Variants in SCML1 observed in about 807,000 individuals in gnomAD.
SCML1 encodes Scm polycomb group protein like 1, also known as sex comb on midleg-like protein 1.
For missense variants in SCML1, 137 were observed against 258.1 expected, an observed-to-expected ratio of 0.53 and a Z score of 3.22; for synonymous variants, 104 against 103.6, an observed-to-expected ratio of 1.00 and a Z score of -0.02.
Position 17,750,112 on chromosome X carries a change from C to T in SCML1, c.522C>T (p.Ile174=). 1 of 1,211,944 alleles carries T rather than the reference C, an allele frequency of 8.3e-7. No individual in the cohort carries two copies. Among genetic ancestry groups the T allele is most frequent in the Non-Finnish European group, 1.1e-6 (1 of 895,457 alleles). The change falls in exon 6 of 8, where the codon ATC becomes ATT. Residue 174 remains isoleucine, a synonymous_variant. Transcript: ENST00000380041. Reference sequence around the variant, plus strand: ...GAGCTGAGCTGGAGGAGGACCCGATCCTCAGCCGCACTCCGAGTCCAGTGC... The same window carrying T: ...GAGCTGAGCTGGAGGAGGACCCGATTCTCAGCCGCACTCCGAGTCCAGTGC... ...YQRAELEEDP[I]LSRTPSPVHP...
chrX:17,743,450 T>G (rs2066615944), intron 1 of SCML1, among the ~76,000 whole-genome samples: 1 of 112,379 alleles, frequency 8.9e-6, no homozygotes, highest in Admixed American at 9.4e-5. Flanking sequence ...GCAGCCAGTT[T>G]TCTAGTTCCA....
intron 4 of SCML1, among the ~76,000 whole-genome samples, chrX:17,746,621 A>C (rs1328008672): frequency 8.9e-6 from 1 of 112,367 alleles, no homozygotes; most frequent in Non-Finnish European, 1.9e-5. Flanking sequence ...AATGTTTCTT[A>C]CCATATATAA....
At chrX:17,751,637 T>A (rs964833649) in intron 6 of SCML1, among the ~76,000 whole-genome samples, 178 bp from the exon 7 acceptor site, 2 of 112,270 alleles carry the variant, frequency 1.8e-5, no homozygotes, top group Admixed American at 1.9e-4. Flanking sequence ...CATCCCCACA[T>A]CATCTTTATA....
At chrX:17,740,774 A>G (rs1252382637) in intron 1 of SCML1, among the ~76,000 whole-genome samples, 1 of 112,632 alleles carries the variant, frequency 8.9e-6, no homozygotes, top group Non-Finnish European at 1.9e-5. Context: ...ACTTGAAGTA[A>G]GCCTTGAAGT....
intron 1 of SCML1, among the ~76,000 whole-genome samples, chrX:17,740,070 A>G (rs969952317): frequency 9.0e-6 from 1 of 111,380 alleles, no homozygotes; most frequent in Non-Finnish European, 1.9e-5. Flanking sequence ...TCTACTATGA[A>G]CCAGGCATGA....
Position 17,737,597 on chromosome X carries a change from C to G in SCML1, c.-200C>G, listed in dbSNP as rs766305509. 158 of 111,463 alleles carry G rather than the reference C, an allele frequency of 1.4e-3. 1 individual carries two copies. The highest frequency in any genetic ancestry group is 4.7e-3 in the African/African-American group (144 of 30,741). The allele number at this position is 111,463 out of a possible 1,213,427, so 9.2% of individuals were successfully genotyped here. A position where few individuals can be genotyped will look rare whatever the true frequency, so the allele number is the denominator to read the frequency against. Reference sequence around the variant, plus strand: ...CGAGTGGCCTAACGGTCACAGCTGTCGCCCATCGGAGAGGCAGGACTACTG... The same window carrying G: ...CGAGTGGCCTAACGGTCACAGCTGTGGCCCATCGGAGAGGCAGGACTACTG... On this transcript the variant is annotated 5_prime_UTR_variant, in exon 1 of 8. Coordinates refer to ENST00000380041, the MANE Select transcript of SCML1 (RefSeq NM_001037540.3).
At position 17,745,535 on chromosome X, in the gene SCML1, A is replaced by G. The variant is rs767496928; in HGVS notation, c.113A>G (p.Asn38Ser). ...TATGAAACAAAACCTGAATTTGTCA[A>G]TAAAGTATGTTAATTGCTAATTGCC... Reference protein sequence around the residue: ...YAYETKPEFVNKEPNIVSDAS... With the variant: ...YAYETKPEFVSKEPNIVSDAS... The change falls in exon 3 of 8, where the codon AAT (asparagine) becomes AGT (serine). Residue 38 changes from asparagine (N) to serine (S), a missense_variant. Asn to Ser is a conservative substitution (Grantham distance 46, BLOSUM62 1). Transcript: ENST00000380041. The G allele has an allele frequency of 4.6e-6, 5 of 1,096,440 alleles. No individual in the cohort carries two copies. Among genetic ancestry groups the G allele is most frequent in the East Asian group, 6.1e-5 (2 of 32,924 alleles). 90.4% of individuals were successfully genotyped at this position (1,096,440 alleles called of 1,213,427 possible).
chrX:17,749,017 A>G (rs1371464161), intron 4 of SCML1, among the ~76,000 whole-genome samples: 2 of 112,741 alleles, frequency 1.8e-5, no homozygotes, highest in Non-Finnish European at 3.7e-5. Flanking sequence ...CATATATGTT[A>G]CATATGTATA....
At chrX:17,742,978 G>A (rs912815964) in intron 1 of SCML1, among the ~76,000 whole-genome samples, 1 of 111,988 alleles carries the variant, frequency 8.9e-6, no homozygotes, top group Non-Finnish European at 1.9e-5. Context: ...ATTCGGCCTT[G>A]CTGTATACAG....
At chrX:17,739,646 C>T (rs1447372651) in intron 1 of SCML1, among the ~76,000 whole-genome samples, 1 of 109,703 alleles carries the variant, frequency 9.1e-6, no homozygotes, top group African/African-American at 3.3e-5. Context: ...GTCAGAAGTT[C>T]GGGACCAGCC....
At position 17,745,784 on chromosome X, in the gene SCML1, T is replaced by G. The variant is rs16997202; in HGVS notation, c.118-234T>G. On this transcript the variant is annotated intron_variant, in intron 3 of 7. Transcript: ENST00000380041. Reference sequence around the variant, plus strand: ...TTCAGTATAAAACTCTAAACCTGGATTCTTCTGATATAATAAATTCTTTTC... The same window carrying G: ...TTCAGTATAAAACTCTAAACCTGGAGTCTTCTGATATAATAAATTCTTTTC... 1,596 of 334,027 alleles carry G rather than the reference T, an allele frequency of 4.8e-3. 27 individuals are homozygous for G. Among genetic ancestry groups the G allele is most frequent in the African/African-American group, 0.039 (1,449 of 37,056 alleles). 27.5% of individuals were successfully genotyped at this position (334,027 alleles called of 1,213,427 possible).
At chrX:17,751,175 A>G (rs1385628216) in intron 6 of SCML1, among the ~76,000 whole-genome samples, 3 of 112,463 alleles carry the variant, frequency 2.7e-5, no homozygotes, top group South Asian at 3.7e-4. Flanking sequence ...TTTCTTCACA[A>G]TGCACATTAG....
chrX:17,745,420 A>G (rs1270386246), intron 2 of SCML1, 36 bp from the exon 3 acceptor site: 1 of 876,383 alleles, frequency 1.1e-6, no homozygotes, highest in East Asian at 3.2e-5. Context: ...TCTGTCTTTC[A>G]TCTTCCCTTT....
In SCML1 at chrX:17,750,212, G is replaced by A. The variant is rs199560760; in HGVS notation, c.622G>A (p.Gly208Arg). 11 of 1,210,478 alleles carry A rather than the reference G, an allele frequency of 9.1e-6. No individual in the cohort carries two copies. In the East Asian group the frequency reaches 3.3e-4, roughly 36 times the overall value. Residue 208 changes from glycine (G) to arginine (R), a missense_variant, in exon 6 of 8, where the codon GGG (glycine) becomes AGG (arginine). Coordinates refer to ENST00000380041, the MANE Select transcript of SCML1 (RefSeq NM_001037540.3). ...SDGATYGSSS[G>R]LCLGNPRADS... ...TGGTGCAACGTATGGTTCTTCTTCA[G>A]GGCTCTGCCTTGGCAACCCTCGGGC... is the stretch of plus-strand genomic sequence containing the variant.
chrX:17,737,224 A>G (rs749711712), upstream of SCML1, among the ~76,000 whole-genome samples: 2 of 107,445 alleles, frequency 1.9e-5, no homozygotes, highest in Non-Finnish European at 3.9e-5. Context: ...CCCCACAGCC[A>G]TCTCCTCAGC....
At chrX:17,750,347 T>G in intron 6 of SCML1, 54 bp downstream of exon 6, 1 of 1,096,247 alleles carries the variant, frequency 9.1e-7, no homozygotes, top group South Asian at 2.2e-5. Context: ...GATGATGAGT[T>G]ACTCAGCTTT....
intron 2 of SCML1, 47 bp from the exon 3 acceptor site, chrX:17,745,409 T>G: frequency 1.2e-6 from 1 of 801,411 alleles, no homozygotes; most frequent in African/African-American, 2.0e-5. Flanking sequence ...TTTCTTTTAG[T>G]TCTGTCTTTC....
intron 1 of SCML1, among the ~76,000 whole-genome samples, chrX:17,739,774 G>A (rs925266076): frequency 9.6e-6 from 1 of 104,481 alleles, no homozygotes; most frequent in African/African-American, 3.5e-5. Context: ...GCTTTAACCC[G>A]GGAGGCAGAG....
intron 4 of SCML1, among the ~76,000 whole-genome samples, chrX:17,746,723 T>C (rs1424903648): frequency 8.9e-6 from 1 of 112,148 alleles, no homozygotes; most frequent in Non-Finnish European, 1.9e-5. Context: ...AGTGGAGTGC[T>C]TCCAAGGGAC....
Sources: gnomAD v4.1 joint callset for allele counts (sites outside exome capture counted in the v4.1 genomes callset) on GRCh38, gnomAD v4.1.1 for gene constraint, MANE v1.5 for transcripts, NCBI Gene and HGNC (gene_info 2026-07-23, HGNC 2026-07-21) for gene names.